Variants in GLCCI1 observed in about 807,000 individuals in gnomAD.
GLCCI1 encodes the protein glucocorticoid induced 1.
In GLCCI1, 24 loss-of-function variants were observed where a neutral mutation model predicts 52.2. The ratio of observed to expected loss-of-function variants is 0.46; its 90% CI spans 0.33 to 0.65. The LOEUF (loss-of-function observed/expected upper bound fraction) is 0.65. GLCCI1 is among the 30% of genes least tolerant of loss of function. The probability of loss-of-function intolerance (pLI) is 0.02; values close to 1 mark genes in which losing one functional copy is unlikely to be tolerated. For synonymous variants in GLCCI1, 310 were observed against 276.5 expected (o/e 1.12, Z -1.20); for missense variants, 704 against 701.5 (o/e 1.00, Z -0.04).
At chr7:7,997,608 T>C (rs375242853) in intron 1 of GLCCI1, among the ~76,000 whole-genome samples, 6 of 152,142 alleles carry the variant, frequency 3.9e-5, no homozygotes, top group South Asian at 2.1e-4. Context: ...ACTCACTGAC[T>C]ACCTGTTAAA....
chr7:8,013,168 T>A (rs2127945831), intron 2 of GLCCI1, among the ~76,000 whole-genome samples: 1 of 152,352 alleles, frequency 6.6e-6, no homozygotes, highest in Non-Finnish European at 1.5e-5. Flanking sequence ...TGGGAAAGAT[T>A]TTTTCCACTC....
rs752313886 is a variant in GLCCI1 at position 8,084,898 on chromosome 7, C to G, written c.1179C>G (p.Asp393Glu). The change falls in exon 7 of 8, where the codon GAC becomes GAG. Residue 393 changes from aspartate to glutamate, a missense_variant and splice_region_variant. Around this residue, in one of 3 missense-constraint regions of GLCCI1, gnomAD observed 547 missense variants for 524.8 expected, o/e 1.04. Transcript: ENST00000223145. Reference sequence around the variant, plus strand: ...AATATAACTGCTTTAAATTTACAGACAGTGGGAGTAGCTCACCGTTACCCA... The same window carrying G: ...AATATAACTGCTTTAAATTTACAGAGAGTGGGAGTAGCTCACCGTTACCCA... ...TEDLLYDRDK[D>E]SGSSSPLPKY... 1 of 1,613,294 alleles carries G rather than the reference C, an allele frequency of 6.2e-7. No homozygotes were observed. The highest frequency in any genetic ancestry group is 8.5e-7 in the Non-Finnish European group (1 of 1,179,772).
intron 5 of GLCCI1, among the ~76,000 whole-genome samples, chr7:8,061,657 CTTTTTTTTTTT>C (rs61377819): frequency 6.3e-4 from 49 of 78,384 alleles, no homozygotes; most frequent in African/African-American, 2.4e-3. Context: ...CCATTGAACT[CTTTTTTTTTTT>C]TTTTTTTTTT....
At chr7:7,982,854 T>C (rs1780649031) in intron 1 of GLCCI1, among the ~76,000 whole-genome samples, 1 of 152,180 alleles carries the variant, frequency 6.6e-6, no homozygotes, top group Non-Finnish European at 1.5e-5. Flanking sequence ...TTGTTTTTGC[T>C]GCTGAAACTG....
intron 5 of GLCCI1, among the ~76,000 whole-genome samples, chr7:8,060,509 C>T (rs548744537): frequency 1.3e-5 from 2 of 152,268 alleles, no homozygotes; most frequent in East Asian, 3.9e-4. Context: ...ATACTCTTGG[C>T]CCTAGGCGGT....
intron 3 of GLCCI1, among the ~76,000 whole-genome samples, chr7:8,029,152 G>A (rs1781691970): frequency 6.6e-6 from 1 of 151,996 alleles, no homozygotes; most frequent in Non-Finnish European, 1.5e-5. Context: ...CATCAGAAAA[G>A]TAAAAACAAT....
chr7:7,973,406 T>TTGTGTGTGTG (rs1190596785), intron 1 of GLCCI1, among the ~76,000 whole-genome samples: 2 of 83,890 alleles, frequency 2.4e-5, no homozygotes, highest in Non-Finnish European at 2.7e-5. Context: ...ATGCAAATCT[T>TTGTGTGTGTG]TGTGTGCGTG....
intron 6 of GLCCI1, among the ~76,000 whole-genome samples, chr7:8,077,431 C>T (rs1469232146): frequency 6.6e-6 from 1 of 152,154 alleles, no homozygotes; most frequent in Non-Finnish European, 1.5e-5. Flanking sequence ...CTAATAAAGA[C>T]ACTGGAGTTG....
At chr7:8,046,252 G>C (rs1782123619) in intron 3 of GLCCI1, among the ~76,000 whole-genome samples, 1 of 152,038 alleles carries the variant, frequency 6.6e-6, no homozygotes, top group African/African-American at 2.4e-5. Flanking sequence ...AAAGAGAAGA[G>C]ACATGGAAGA....
chr7:8,060,372 T>G, intron 5 of GLCCI1, 124 bp downstream of exon 5: 1 of 716,768 alleles, frequency 1.4e-6, no homozygotes, highest in Non-Finnish European at 2.3e-6. Context: ...ACTCATTTAG[T>G]GTACAATTCA....
At position 8,026,280 on chromosome 7, in the gene GLCCI1, A is replaced by AT. The variant is rs1287714057; in HGVS notation, c.696+3711_696+3712insT. On this transcript the variant is annotated intron_variant, in intron 3 of 7. Coordinates refer to ENST00000223145, the MANE Select transcript of GLCCI1 (RefSeq NM_138426.4). The stretch of plus-strand genomic sequence containing the variant: ...ACTCCAAAAATGTAAAAGAAAAAAA[A>AT]CAAACACCAGAGGAATTAAAATGGC... 2.0e-5 allele frequency among the ~76,000 whole-genome samples: 3 copies of AT among 152,354 alleles called. No individual in the cohort carries two copies. The East Asian group carries it at 5.8e-4, about 29-fold the overall frequency.
At chr7:8,038,085 C>T (rs1490453594) in intron 3 of GLCCI1, among the ~76,000 whole-genome samples, 2 of 152,126 alleles carry the variant, frequency 1.3e-5, no homozygotes, top group Non-Finnish European at 2.9e-5. Context: ...ATAGAATATA[C>T]ATTCTTCTCA....
At position 8,021,494 on chromosome 7, in the gene GLCCI1, C is replaced by T. The variant is rs183456726; in HGVS notation, c.610-989C>T. On this transcript the variant is annotated intron_variant, in intron 2 of 7. Coordinates refer to ENST00000223145, the MANE Select transcript of GLCCI1 (RefSeq NM_138426.4). ...ATGACACAATCTTGGCTCACTGCAGCCTCTGCCTCCCGGGTTCAAGTGATT... is the reference window on the plus strand; with the variant it reads ...ATGACACAATCTTGGCTCACTGCAGTCTCTGCCTCCCGGGTTCAAGTGATT... Among the ~76,000 whole-genome samples, 659 of 152,136 alleles carry T rather than the reference C, an allele frequency of 4.3e-3. 9 individuals are homozygous for T. The highest frequency in any genetic ancestry group is 3.4e-3 in the Middle Eastern group (1 of 294).
At chr7:7,993,533 A>G (rs1292740602) in intron 1 of GLCCI1, among the ~76,000 whole-genome samples, 1 of 152,182 alleles carries the variant, frequency 6.6e-6, no homozygotes, top group Non-Finnish European at 1.5e-5. Flanking sequence ...ATTGTGTGGA[A>G]TCCCCTCCCA....
At chr7:8,002,719 G>C (rs38009) in intron 1 of GLCCI1, among the ~76,000 whole-genome samples, 93,595 of 152,094 alleles carry the variant, frequency 0.62, 29,450 homozygotes, top group African/African-American at 0.76. Context: ...TCTGAAAAGA[G>C]TTAGCCTTGG....
At chr7:8,072,426 GAAT>G (rs1782783480) in intron 6 of GLCCI1, among the ~76,000 whole-genome samples, 1 of 152,032 alleles carries the variant, frequency 6.6e-6, no homozygotes, top group Non-Finnish European at 1.5e-5. Flanking sequence ...AGGATATATT[GAAT>G]ATAGTACCAG....
intron 2 of GLCCI1, among the ~76,000 whole-genome samples, chr7:8,018,101 C>T (rs958319056): frequency 2.0e-5 from 3 of 152,104 alleles, no homozygotes; most frequent in Non-Finnish European, 4.4e-5. Context: ...CAGCTAATTA[C>T]ATCTCATTTC....
chr7:8,076,444 C>A (rs2127966783), intron 6 of GLCCI1, among the ~76,000 whole-genome samples: 1 of 152,148 alleles, frequency 6.6e-6, no homozygotes, highest in Non-Finnish European at 1.5e-5. Flanking sequence ...AATTCATGTC[C>A]CTAAGGTCAT....
chr7:8,052,047 A>T (rs981492082), intron 3 of GLCCI1, among the ~76,000 whole-genome samples: 49 of 152,268 alleles, frequency 3.2e-4, no homozygotes, highest in African/African-American at 1.2e-3. Context: ...CCTATAGGTC[A>T]CCTTTGTGTG....
Sources: gnomAD v4.1 joint callset for allele counts (sites outside exome capture counted in the v4.1 genomes callset) on GRCh38, gnomAD v4.1.1 for gene constraint, gnomAD v4.1.1 regional missense constraint, MANE v1.5 for transcripts, NCBI Gene and HGNC (gene_info 2026-07-23, HGNC 2026-07-21) for gene names.